ITGB3BP: variants seen among roughly 807,000 people sequenced by gnomAD.
ITGB3BP encodes the protein integrin subunit beta 3 binding protein.
Under a neutral mutation model 29.1 loss-of-function variants are expected in ITGB3BP, and 27 were observed. The ratio of observed to expected loss-of-function variants is 0.93; its 90% CI spans 0.68 to 1.28. The LOEUF is 1.28. Among genes scored for constraint, ITGB3BP ranks in the 50% most tolerant of loss-of-function variants. The pLI is 0.00. For synonymous variants in ITGB3BP, 61 were observed against 61.4 expected, an observed-to-expected ratio of 0.99 and a Z score of 0.03; for missense variants, 192 against 200.2, an observed-to-expected ratio of 0.96 and a Z score of 0.25.
intron 3 of ITGB3BP, among the ~76,000 whole-genome samples, chr1:63,488,572 T>C (rs1165894682): frequency 6.6e-6 from 1 of 152,100 alleles, no homozygotes; most frequent in Non-Finnish European, 1.5e-5. Context: ...AGTTACTTCC[T>C]AAAAATCAAG....
chr1:63,442,124 C>G (rs1309113855), intron 8 of ITGB3BP, among the ~76,000 whole-genome samples: 8 of 152,264 alleles, frequency 5.3e-5, no homozygotes, highest in Admixed American at 5.2e-4. Flanking sequence ...TAATCCCATC[C>G]TGAGGTGATC....
At chr1:63,489,554 G>C (rs1325392434) in intron 3 of ITGB3BP, among the ~76,000 whole-genome samples, 1 of 151,722 alleles carries the variant, frequency 6.6e-6, no homozygotes, top group African/African-American at 2.4e-5. Flanking sequence ...ATTAAAATTA[G>C]ATTTTTCTCT....
At chr1:63,511,378 C>A (rs1646196426) in intron 1 of ITGB3BP, among the ~76,000 whole-genome samples, 1 of 152,074 alleles carries the variant, frequency 6.6e-6, no homozygotes, top group African/African-American at 2.4e-5. Context: ...CTATGGAAAA[C>A]AGTATGGCAG....
Position 63,458,675 on chromosome 1 carries a change from A to C in ITGB3BP, c.255-3707T>G, listed in dbSNP as rs890819242. ...ATTTCCCTCCTTTTTTGTAACTTCCAATTGTTTGACATAGGTCTCCCTTAC... is the reference window on the plus strand; with the variant it reads ...ATTTCCCTCCTTTTTTGTAACTTCCCATTGTTTGACATAGGTCTCCCTTAC... On this transcript the variant is annotated intron_variant, in intron 4 of 8. Coordinates refer to ENST00000271002, the MANE Select transcript of ITGB3BP (RefSeq NM_014288.5). 2.6e-5 allele frequency among the ~76,000 whole-genome samples: 4 copies of C among 152,106 alleles called. No homozygotes were observed. In the South Asian group the frequency reaches 8.3e-4, roughly 32 times the overall value.
In ITGB3BP at chr1:63,454,755, T is replaced by A. The variant is rs1304231821; in HGVS notation, c.333+135A>T. On this transcript the variant is annotated intron_variant, in intron 5 of 8. Transcript: ENST00000271002. The surrounding 1 kb of genome is among the most constrained non-coding windows in gnomAD (Gnocchi z 4.1). ...TTATGGTTAAATAGTGTTCTCCTAT[T>A]AAAAAAAAAATTCCCATGAAAAGTA... 4 of 440,998 alleles carry A rather than the reference T, an allele frequency of 9.1e-6. No homozygotes were observed. The highest frequency in any genetic ancestry group is 1.6e-5 in the Non-Finnish European group (4 of 245,784). 27.3% of individuals were successfully genotyped at this position (440,998 alleles called of 1,614,324 possible).
chr1:63,506,581 GC>G (rs1427178761), intron 2 of ITGB3BP, among the ~76,000 whole-genome samples: 2 of 152,240 alleles, frequency 1.3e-5, no homozygotes, highest in East Asian at 3.9e-4. Context: ...CATATCAAGA[GC>G]CATAAGCAAA....
intron 1 of ITGB3BP, among the ~76,000 whole-genome samples, chr1:63,511,233 C>T (rs928276242): frequency 4.6e-5 from 7 of 152,040 alleles, no homozygotes; most frequent in Non-Finnish European, 8.8e-5. Flanking sequence ...AATATTACTT[C>T]ACAACCTATT....
At position 63,514,315 on chromosome 1, in the gene ITGB3BP, A is replaced by G. The variant is rs542735050; in HGVS notation, c.6-5745T>C. Among the ~76,000 whole-genome samples, 33 of 152,292 alleles carry G rather than the reference A, an allele frequency of 2.2e-4. No individual in the cohort carries two copies. The South Asian group carries it at 6.8e-3, about 32-fold the overall frequency. Reference sequence around the variant, plus strand: ...GCCATTATGAGTAAAGCTTCCAAGAACACCTTTTACAAGTTTTTTTGTTTT... The same window carrying G: ...GCCATTATGAGTAAAGCTTCCAAGAGCACCTTTTACAAGTTTTTTTGTTTT... On this transcript the variant is annotated intron_variant, in intron 1 of 8. Transcript: ENST00000271002.
At chr1:63,447,799 T>C (rs1644807220) in intron 7 of ITGB3BP, 1 of 352,960 alleles carries the variant, frequency 2.8e-6, no homozygotes, top group Non-Finnish European at 5.6e-6. Context: ...GAACTAGAAA[T>C]ACCATTTGAC....
rs573416156 is a variant in ITGB3BP at position 63,505,676 on chromosome 1, C to G, written c.48+2852G>C. On this transcript the variant is annotated intron_variant, in intron 2 of 8. Transcript: ENST00000271002. ...AGTGCTATAAATTTCCCTCTACACA[C>G]TGCTTTGAATGTGTCCCAGAGATTC... Among the ~76,000 whole-genome samples, 7 of 152,176 alleles carry G rather than the reference C, an allele frequency of 4.6e-5. No homozygotes were observed. The East Asian group carries it at 7.7e-4, about 17-fold the overall frequency.
At chr1:63,448,603 T>C (rs929276173) in intron 7 of ITGB3BP, among the ~76,000 whole-genome samples, 1 of 152,150 alleles carries the variant, frequency 6.6e-6, no homozygotes, top group Non-Finnish European at 1.5e-5. Flanking sequence ...AGATAATTTA[T>C]CTAACTCTTT....
chr1:63,459,007 C>A (rs1372250860), intron 4 of ITGB3BP, among the ~76,000 whole-genome samples: 4 of 151,928 alleles, frequency 2.6e-5, no homozygotes, highest in Non-Finnish European at 5.9e-5. Context: ...CCACATATGT[C>A]TTTCTCACAT....
intron 1 of ITGB3BP, among the ~76,000 whole-genome samples, chr1:63,521,527 G>A (rs2100837884): frequency 6.6e-6 from 1 of 152,222 alleles, no homozygotes; most frequent in African/African-American, 2.4e-5. Context: ...TAGGAAGACA[G>A]TTGTCAAAAA....
chr1:63,441,811 C>A (rs887745258), intron 8 of ITGB3BP, among the ~76,000 whole-genome samples: 1 of 152,116 alleles, frequency 6.6e-6, no homozygotes, highest in African/African-American at 2.4e-5. Context: ...CTGGGGACTC[C>A]TAGTGGTGGT....
intron 3 of ITGB3BP, among the ~76,000 whole-genome samples, chr1:63,479,821 A>G (rs1645406444): frequency 6.6e-6 from 1 of 152,138 alleles, no homozygotes; most frequent in African/African-American, 2.4e-5. Context: ...TATATATACC[A>G]TATTTTCTTT....
upstream of ITGB3BP, chr1:63,525,625 C>T (rs746216862): frequency 1.9e-6 from 3 of 1,596,504 alleles, no homozygotes; most frequent in African/African-American, 1.4e-5. Flanking sequence ...AAATCAACAC[C>T]TTCAGAGAGT....
upstream of ITGB3BP, chr1:63,525,815 G>T: frequency 3.3e-6 from 4 of 1,224,332 alleles, no homozygotes; most frequent in South Asian, 4.5e-5. Context: ...TAATAAATAG[G>T]TCCGAAAGAC....
intron 4 of ITGB3BP, among the ~76,000 whole-genome samples, chr1:63,466,743 T>C (rs1011097859): frequency 6.6e-6 from 1 of 152,228 alleles, no homozygotes; most frequent in Admixed American, 6.5e-5. Context: ...AAAGCATTCA[T>C]GAAACAAGCT....
intron 3 of ITGB3BP, among the ~76,000 whole-genome samples, chr1:63,479,880 A>G (rs534934480): frequency 3.3e-5 from 5 of 152,238 alleles, no homozygotes; most frequent in African/African-American, 7.2e-5. Flanking sequence ...TATCTAAGCT[A>G]TTGTGAATAA....
Sources: gnomAD v4.1 joint callset for allele counts (sites outside exome capture counted in the v4.1 genomes callset) on GRCh38, gnomAD v4.1.1 for gene constraint, Gnocchi (gnomAD v3.1) non-coding constraint, MANE v1.5 for transcripts, NCBI Gene and HGNC (gene_info 2026-07-23, HGNC 2026-07-21) for gene names.